The following SPMAP2 variants were observed in gnomAD, a reference collection of about 807,000 sequenced individuals.
SPMAP2 encodes the protein Theg homolog.
chr19:373,509 G>T, the SPMAP2 span: 1 of 1,613,398 alleles, frequency 6.2e-7, no homozygotes, highest in Non-Finnish European at 8.5e-7. Context: ...TCAAGGAACC[G>T]CTCGGTCCAG....
chr19:367,325 A>G, the SPMAP2 span: 1 of 1,151,640 alleles, frequency 8.7e-7, no homozygotes, highest in Non-Finnish European at 1.2e-6. Context: ...AAGACACAAG[A>G]CAGACTGGGA....
chr19:368,584 TG>T, the SPMAP2 span, among the ~76,000 whole-genome samples: 1 of 152,168 alleles, frequency 6.6e-6, no homozygotes, highest in Non-Finnish European at 1.5e-5. This position sits in a 1 kb window ranked among gnomAD's most constrained non-coding sequence, Gnocchi z 4.1. Flanking sequence ...CATCCATTCT[TG>T]GAGCGTTACC....
chr19:367,417 A>G, the SPMAP2 span, among the ~76,000 whole-genome samples: 1 of 152,130 alleles, frequency 6.6e-6, no homozygotes, highest in African/African-American at 2.4e-5. Flanking sequence ...AACCAAAAAA[A>G]CCCCAAAAGG....
At chr19:372,920 C>T in the SPMAP2 span, among the ~76,000 whole-genome samples, 2 of 152,310 alleles carry the variant, frequency 1.3e-5, no homozygotes, top group Non-Finnish European at 2.9e-5. Context: ...GGTCCTTTCT[C>T]GGACACCGGA....
At chr19:362,106 T>C in the SPMAP2 span, 3 of 956,912 alleles carry the variant, frequency 3.1e-6, no homozygotes. Context: ...CTTTTGGCCT[T>C]CTAGCCCGCC....
the SPMAP2 span, chr19:374,427 G>A: frequency 1.9e-6 from 3 of 1,614,024 alleles, no homozygotes; most frequent in South Asian, 1.1e-5. Flanking sequence ...GCCGGCTTTG[G>A]GAGAATTCCA....
the SPMAP2 span, among the ~76,000 whole-genome samples, chr19:364,091 T>C: frequency 6.6e-6 from 1 of 151,298 alleles, no homozygotes; most frequent in African/African-American, 2.4e-5. Flanking sequence ...CCCAGCACTC[T>C]GGGAGGCCGA....
At chr19:368,115 C>T in the SPMAP2 span, among the ~76,000 whole-genome samples, 2 of 151,956 alleles carry the variant, frequency 1.3e-5, no homozygotes, top group African/African-American at 4.8e-5. This position sits in a 1 kb window ranked among gnomAD's most constrained non-coding sequence, Gnocchi z 4.1. Flanking sequence ...TTTGGGGGGT[C>T]GAGGTGGCAG....
At chr19:364,144 T>C in the SPMAP2 span, among the ~76,000 whole-genome samples, 2,758 of 149,788 alleles carry the variant, frequency 0.018, 102 homozygotes, top group African/African-American at 0.062. Context: ...CCATCCTGGC[T>C]CACACGGTGA....
At chr19:363,887 A>C in the SPMAP2 span, among the ~76,000 whole-genome samples, 1 of 151,952 alleles carries the variant, frequency 6.6e-6, no homozygotes, top group African/African-American at 2.4e-5. Context: ...AGGCTGGAGC[A>C]CGATCTTTAG....
the SPMAP2 span, among the ~76,000 whole-genome samples, chr19:363,960 G>A: frequency 2.6e-5 from 4 of 151,700 alleles, 1 homozygote; most frequent in Middle Eastern, 3.4e-3. Context: ...CCTCAGCCTC[G>A]CAAGTAGCTG....
At chr19:375,914 G>A in the SPMAP2 span, 2 of 1,493,404 alleles carry the variant, frequency 1.3e-6, no homozygotes, top group African/African-American at 1.4e-5. Context: ...TTTCCGACCT[G>A]CCCGCAGCCT....
chr19:370,444 C>G, the SPMAP2 span, among the ~76,000 whole-genome samples: 1 of 151,484 alleles, frequency 6.6e-6, no homozygotes, highest in African/African-American at 2.4e-5. Context: ...CGGGTTCAAG[C>G]GATTCTCCTG....
At chr19:373,203 A>G in the SPMAP2 span, among the ~76,000 whole-genome samples, 1 of 152,292 alleles carries the variant, frequency 6.6e-6, no homozygotes, top group South Asian at 2.1e-4. Context: ...CAAGAAAAGC[A>G]TGGAAATCAT....
the SPMAP2 span, among the ~76,000 whole-genome samples, chr19:366,172 G>C: frequency 6.6e-6 from 1 of 152,046 alleles, no homozygotes; most frequent in African/African-American, 2.4e-5. Context: ...ACTATGAGTG[G>C]GTGGAAGCCT....
At chr19:370,346 T>C in the SPMAP2 span, among the ~76,000 whole-genome samples, 1 of 125,146 alleles carries the variant, frequency 8.0e-6, no homozygotes, top group Non-Finnish European at 1.9e-5. Context: ...TTCACAGTTT[T>C]GTTTTTTTTT....
chr19:370,528 T>G, the SPMAP2 span, among the ~76,000 whole-genome samples: 113 of 151,552 alleles, frequency 7.5e-4, no homozygotes, highest in South Asian at 2.1e-3. Flanking sequence ...TTTTTTGTAT[T>G]TTTAGTAGAG....
chr19:370,650 T>C, the SPMAP2 span, among the ~76,000 whole-genome samples: 45 of 152,230 alleles, frequency 3.0e-4, no homozygotes, highest in African/African-American at 1.0e-3. Context: ...GCGCCCGGCG[T>C]ATTCACATCA....
At chr19:364,228 T>A in the SPMAP2 span, among the ~76,000 whole-genome samples, 1 of 147,510 alleles carries the variant, frequency 6.8e-6, no homozygotes, top group Non-Finnish European at 1.5e-5. Context: ...TCCCAGCTAC[T>A]CAGGAGGCTG....
Sources: allele counts gnomAD v4.1 joint callset (sites outside exome capture counted in the v4.1 genomes callset), GRCh38; gene constraint gnomAD v4.1.1; non-coding constraint Gnocchi (gnomAD v3.1); transcripts MANE v1.5; gene names NCBI Gene and HGNC (gene_info 2026-07-23, HGNC 2026-07-21).